The following ZNF440 variants were observed in gnomAD, a reference collection of about 807,000 sequenced individuals.
ZNF440 encodes the protein zinc finger protein 440.
In ZNF440, 47 loss-of-function variants were observed where a neutral mutation model predicts 49.7. The observed-to-expected ratio is 0.95, with a 90% CI of 0.75 to 1.21. The LOEUF (loss-of-function observed/expected upper bound fraction) is 1.21, where lower values mean the gene tolerates loss of function less well. ZNF440 is among the 50% of genes most tolerant of loss of function. The pLI, the probability that ZNF440 is intolerant of heterozygous loss-of-function variation, is 0.00. For missense variants in ZNF440, 703 were observed against 715.0 expected (o/e 0.98, Z 0.19); for synonymous variants, 255 against 237.7 (o/e 1.07, Z -0.67).
chr19:11,823,980 A>G (rs2145122725), intron 1 of ZNF440, among the ~76,000 whole-genome samples: 1 of 152,074 alleles, frequency 6.6e-6, no homozygotes, highest in East Asian at 1.9e-4. Context: ...TAAAAAAAAA[A>G]TGAAGAGATT....
At chr19:11,814,568 C>T (rs1772070671) in intron 1 of ZNF440, 118 bp downstream of exon 1, 2 of 1,225,886 alleles carry the variant, frequency 1.6e-6, no homozygotes, top group South Asian at 1.9e-5. Context: ...ACGCGAGTCC[C>T]CTCGGTCGCA....
At chr19:11,822,532 G>A (rs530667735) in intron 1 of ZNF440, among the ~76,000 whole-genome samples, 1 of 152,118 alleles carries the variant, frequency 6.6e-6, no homozygotes, top group African/African-American at 2.4e-5. Flanking sequence ...TACCTGGTTT[G>A]TCATAGTTTC....
chr19:11,822,529 T>C (rs1975811659), intron 1 of ZNF440, among the ~76,000 whole-genome samples: 1 of 152,154 alleles, frequency 6.6e-6, no homozygotes, highest in South Asian at 2.1e-4. Flanking sequence ...CAATACCTGG[T>C]TTGTCATAGT....
chr19:11,833,040 A>G lies in ZNF440; in HGVS notation c.*76A>G. 6.3e-7 allele frequency: 1 copy of G among 1,589,026 alleles called. No individual in the cohort carries two copies. The highest frequency in any genetic ancestry group is 1.1e-5 in the South Asian group (1 of 88,460). ...TATTCTGCCAAGTCATTTCAAATAC[A>G]TGAAAAATCTTACACTGGAGAGAAA... On this transcript the variant is annotated 3_prime_UTR_variant, in exon 4 of 4. Coordinates refer to ENST00000304060, the MANE Select transcript of ZNF440 (RefSeq NM_152357.3).
At position 11,832,781 on chromosome 19, in the gene ZNF440, A is replaced by G; in HGVS notation, c.1605A>G (p.Gly535=). 6.2e-7 allele frequency: 1 copy of G among 1,613,590 alleles called. No homozygotes were observed. The highest frequency in any genetic ancestry group is 8.5e-7 in the Non-Finnish European group (1 of 1,179,846). ...ELCQSFECMV[G]LTLKRNPMSV... is the part of the protein sequence containing the mutation. ...GTCAATCCTTTGAATGCATGGTAGG[A>G]CTCACCCTGAAGAGAAACCCTATGA... is the stretch of plus-strand genomic sequence containing the variant. The change falls in exon 4 of 4, where the codon GGA becomes GGG. Residue 535 remains glycine, a synonymous_variant. Coordinates refer to ENST00000304060, the MANE Select transcript of ZNF440 (RefSeq NM_152357.3).
At position 11,830,653 on chromosome 19, in the gene ZNF440, A is replaced by T. The variant is rs764143375; in HGVS notation, c.167A>T (p.His56Leu). The T allele has an allele frequency of 1.2e-6, 2 of 1,614,122 alleles. No homozygotes were observed. Among genetic ancestry groups the T allele is most frequent in the South Asian group, 2.2e-5 (2 of 91,074 alleles). The change falls in exon 3 of 4, where the codon CAC (histidine) becomes CTC (leucine). Residue 56 changes from histidine to leucine, a missense_variant. His to Leu is a moderately conservative substitution (Grantham distance 99). Transcript: ENST00000304060. ...RWKDQNIEYE[H>L]QNPRRNFRSL... The stretch of plus-strand genomic sequence containing the variant: ...AAAGACCAGAACATTGAATATGAGC[A>T]CCAAAACCCCAGGAGAAACTTCAGG...
chr19:11,824,722 T>G (rs1332290827), intron 1 of ZNF440, among the ~76,000 whole-genome samples: 4 of 150,406 alleles, frequency 2.7e-5, no homozygotes, highest in Non-Finnish European at 4.4e-5. Context: ...TTTTTTTTTT[T>G]TTTGAGATAG....
chr19:11,830,546 G>A (rs918588473), intron 2 of ZNF440, 71 bp from the exon 3 acceptor site: 24 of 1,602,852 alleles, frequency 1.5e-5, no homozygotes, highest in Non-Finnish European at 1.7e-5. Context: ...TAAATCATGG[G>A]CGTAGAATCT....
intron 1 of ZNF440, among the ~76,000 whole-genome samples, chr19:11,820,934 G>A (rs1487686926): frequency 6.6e-6 from 1 of 152,102 alleles, no homozygotes; most frequent in Non-Finnish European, 1.5e-5. Flanking sequence ...ATATACATGG[G>A]GGTACACAGG....
chr19:11,816,577 T>G (rs1330329436), intron 1 of ZNF440: 1 of 152,110 alleles, frequency 6.6e-6, no homozygotes, highest in South Asian at 2.1e-4. Context: ...ATTTTCAGGG[T>G]TTTTTGGGGG....
At chr19:11,829,396 C>T (rs928739397) in intron 1 of ZNF440, among the ~76,000 whole-genome samples, 1 of 151,174 alleles carries the variant, frequency 6.6e-6, no homozygotes, top group African/African-American at 2.4e-5. Context: ...GGGGCTCCCC[C>T]TCCTGCTCTT....
intron 1 of ZNF440, among the ~76,000 whole-genome samples, chr19:11,815,644 C>A (rs991895183): frequency 4.6e-5 from 7 of 152,186 alleles, no homozygotes; most frequent in African/African-American, 1.4e-4. Flanking sequence ...GTGGCTCACG[C>A]CTGTAATCCC....
chr19:11,830,431 C>G (rs1262985964), intron 2 of ZNF440, 22 bp downstream of exon 2: 1 of 1,613,360 alleles, frequency 6.2e-7, no homozygotes, highest in Admixed American at 1.7e-5. Context: ...AATATTCCTT[C>G]CCTCAGTCCA....
At chr19:11,825,464 T>G (rs1194327051) in intron 1 of ZNF440, among the ~76,000 whole-genome samples, 1 of 152,182 alleles carries the variant, frequency 6.6e-6, no homozygotes, top group Non-Finnish European at 1.5e-5. Context: ...CCCCTCCCTC[T>G]TTTGCCACCC....
intron 1 of ZNF440, among the ~76,000 whole-genome samples, chr19:11,822,955 G>T (rs1975817526): frequency 6.6e-6 from 1 of 151,808 alleles, no homozygotes; most frequent in Non-Finnish European, 1.5e-5. Context: ...ATTCAAAGCT[G>T]CAGTGTTTAG....
At chr19:11,814,962 G>C (rs972294590) in intron 1 of ZNF440, among the ~76,000 whole-genome samples, 1 of 151,976 alleles carries the variant, frequency 6.6e-6, no homozygotes, top group Non-Finnish European at 1.5e-5. Flanking sequence ...AAACTAACTC[G>C]ATAGGCTAAG....
At chr19:11,826,448 G>C (rs959847368) in intron 1 of ZNF440, among the ~76,000 whole-genome samples, 1 of 152,050 alleles carries the variant, frequency 6.6e-6, no homozygotes, top group African/African-American at 2.4e-5. Flanking sequence ...TCAATATGTA[G>C]GAATGAGACT....
In ZNF440 at chr19:11,832,674, G is replaced by C. The variant is rs758268050; in HGVS notation, c.1498G>C (p.Val500Leu). The C allele has an allele frequency of 4.6e-5, 75 of 1,613,086 alleles. No individual in the cohort carries two copies. In the East Asian group the frequency reaches 1.2e-3, roughly 27 times the overall value. Residue 500 changes from valine (V) to leucine (L), a missense_variant, in exon 4 of 4, where the codon GTT becomes CTT. By Grantham distance (32) the Val-to-Leu change is conservative (BLOSUM62 1). Transcript: ENST00000304060. ...QRSVVPSVVP[V>L]PFDIMKGLTL... is the part of the protein sequence containing the mutation. The stretch of plus-strand genomic sequence containing the variant: ...TTCAGTAGTTCCTTCAGTAGTTCCA[G>C]TTCCTTTTGATATCATGAAAGGACT...
intron 1 of ZNF440, among the ~76,000 whole-genome samples, chr19:11,829,031 CT>C (rs760375665): frequency 1.3e-5 from 2 of 152,058 alleles, no homozygotes; most frequent in Non-Finnish European, 2.9e-5. Flanking sequence ...TATGTATATG[CT>C]TACCACATTT....
Sources: allele counts gnomAD v4.1 joint callset (sites outside exome capture counted in the v4.1 genomes callset), GRCh38; gene constraint gnomAD v4.1.1; transcripts MANE v1.5; gene names NCBI Gene and HGNC (gene_info 2026-07-23, HGNC 2026-07-21).